The following CNOT6 variants were observed in gnomAD, a reference collection of about 807,000 sequenced individuals.
CNOT6 encodes the protein carbon catabolite repression 4 protein.
Under a neutral mutation model 61.2 loss-of-function variants are expected in CNOT6, and 12 were observed. The observed-to-expected ratio is 0.20, with a 90% CI of 0.13 to 0.32. CNOT6 has a LOEUF of 0.32. Among genes scored for constraint, CNOT6 ranks in the 10% least tolerant of loss-of-function variants. The pLI, the probability that CNOT6 is intolerant of heterozygous loss-of-function variation, is 1.00. For synonymous variants in CNOT6, 225 were observed against 240.6 expected, an observed-to-expected ratio of 0.94 and a Z score of 0.60; for missense variants, 405 against 663.9, an observed-to-expected ratio of 0.61 and a Z score of 4.28.
intron 4 of CNOT6, among the ~76,000 whole-genome samples, chr5:180,560,294 G>A (rs562278968): frequency 1.3e-4 from 20 of 152,132 alleles, no homozygotes; most frequent in Admixed American, 3.3e-4. Flanking sequence ...AGGAAATCTC[G>A]TATTTGCCCA....
intron 4 of CNOT6, among the ~76,000 whole-genome samples, chr5:180,556,532 A>T (rs1759900776): frequency 6.6e-6 from 1 of 152,172 alleles, no homozygotes; most frequent in Admixed American, 6.5e-5. Flanking sequence ...AAACATACAC[A>T]ATTATATGTC....
At chr5:180,568,034 C>T (rs1215973331) in intron 9 of CNOT6, 31 bp downstream of exon 9, 3 of 1,576,748 alleles carry the variant, frequency 1.9e-6, no homozygotes, top group South Asian at 1.2e-5. Context: ...GTAAAATTGA[C>T]CAGCTCTGAC....
intron 2 of CNOT6, among the ~76,000 whole-genome samples, chr5:180,532,051 C>T (rs1325530588): frequency 6.6e-6 from 1 of 152,154 alleles, no homozygotes. Context: ...AAGTTCAGCT[C>T]AGTAAGTAGG....
chr5:180,495,467 C>T (rs768584864), intron 1 of CNOT6: 3 of 152,208 alleles, frequency 2.0e-5, no homozygotes, highest in Non-Finnish European at 2.9e-5. Context: ...TCTTTACCTC[C>T]TTCACCTTCC....
At chr5:180,523,320 G>A (rs531876965) in intron 1 of CNOT6, among the ~76,000 whole-genome samples, 3 of 152,238 alleles carry the variant, frequency 2.0e-5, no homozygotes, top group Non-Finnish European at 2.9e-5. Flanking sequence ...GCTTACTGGG[G>A]TGGGGCAGGG....
chr5:180,563,141 T>A (rs1403771710), intron 4 of CNOT6, among the ~76,000 whole-genome samples: 2 of 152,216 alleles, frequency 1.3e-5, no homozygotes, highest in Non-Finnish European at 2.9e-5. Flanking sequence ...CTCCACTGCC[T>A]CACAGCACAG....
At chr5:180,509,967 CA>C (rs1243317826) in intron 1 of CNOT6, among the ~76,000 whole-genome samples, 3 of 151,196 alleles carry the variant, frequency 2.0e-5, no homozygotes, top group African/African-American at 7.3e-5. Context: ...ATAGTAGTCT[CA>C]AAATGTGTAG....
chr5:180,517,933 G>A (rs780650731), intron 1 of CNOT6, among the ~76,000 whole-genome samples: 1 of 152,126 alleles, frequency 6.6e-6, no homozygotes, highest in South Asian at 2.1e-4. Flanking sequence ...TTTTAGTTAC[G>A]TGTCTCCATA....
chr5:180,494,819 C>T (rs1378034211), intron 1 of CNOT6, 56 bp downstream of exon 1: 1 of 151,964 alleles, frequency 6.6e-6, no homozygotes, highest in Non-Finnish European at 1.5e-5. Flanking sequence ...TCCGGCCGCG[C>T]ACGGACCGCC....
intron 4 of CNOT6, among the ~76,000 whole-genome samples, chr5:180,558,602 T>TC (rs1489977739): frequency 4.1e-5 from 6 of 146,420 alleles, no homozygotes; most frequent in Non-Finnish European, 9.0e-5. Flanking sequence ...AGTATTTCCT[T>TC]CCTTCCTTCT....
chr5:180,536,572 A>G (rs149983911), intron 2 of CNOT6, among the ~76,000 whole-genome samples: 2,882 of 152,160 alleles, frequency 0.019, 38 homozygotes, highest in Non-Finnish European at 0.027. Context: ...CCTCCTGAGT[A>G]GCTGGGACTA....
At chr5:180,546,269 T>C (rs1759308463) in intron 2 of CNOT6, among the ~76,000 whole-genome samples, 1 of 152,220 alleles carries the variant, frequency 6.6e-6, no homozygotes, top group Non-Finnish European at 1.5e-5. Context: ...TTTATTCATA[T>C]CATTTATTCT....
In CNOT6 at chr5:180,501,528, G is replaced by GTA. The variant is rs150622866; in HGVS notation, c.-3+6768_-3+6769dup. On this transcript the variant is annotated intron_variant, in intron 1 of 11. Transcript: ENST00000261951. ...TTGGGGTTTGATAGATTTGGTCATT[G>GTA]TATAGTTGGCATTGGAAGTTAGGGG... Among the ~76,000 whole-genome samples, 13 of 152,352 alleles carry GTA rather than the reference G, an allele frequency of 8.5e-5. No homozygotes were observed. In the East Asian group the frequency reaches 2.5e-3, roughly 29 times the overall value.
At chr5:180,503,181 A>G (rs574938248) in intron 1 of CNOT6, among the ~76,000 whole-genome samples, 1 of 152,130 alleles carries the variant, frequency 6.6e-6, no homozygotes, top group Admixed American at 6.6e-5. Context: ...ATAAGTGAGG[A>G]AATTTAGGCA....
At chr5:180,524,865 G>A (rs568995951) in intron 1 of CNOT6, among the ~76,000 whole-genome samples, 16 of 152,348 alleles carry the variant, frequency 1.1e-4, no homozygotes, top group East Asian at 1.9e-4. Context: ...ATGAAGATCA[G>A]ATAGTTACTT....
chr5:180,565,723 C>A, intron 6 of CNOT6, 97 bp from the exon 7 acceptor site: 1 of 1,152,950 alleles, frequency 8.7e-7, no homozygotes, highest in Non-Finnish European at 1.2e-6. Flanking sequence ...TGAATGAATA[C>A]GGTCAAACTT....
At chr5:180,548,838 G>T (rs918884413) in intron 2 of CNOT6, among the ~76,000 whole-genome samples, 1 of 152,168 alleles carries the variant, frequency 6.6e-6, no homozygotes, top group African/African-American at 2.4e-5. Flanking sequence ...TGAAAGACTG[G>T]TATGTTTTTA....
At chr5:180,518,740 GGCCT>G (rs1757756427) in intron 1 of CNOT6, among the ~76,000 whole-genome samples, 3 of 152,084 alleles carry the variant, frequency 2.0e-5, no homozygotes, top group African/African-American at 7.2e-5. Flanking sequence ...AGCTTGAGCA[GGCCT>G]CCTGCCTTGG....
At chr5:180,538,685 GGTATATATATATAT>G (rs1408041299) in intron 2 of CNOT6, among the ~76,000 whole-genome samples, 14 of 84,192 alleles carry the variant, frequency 1.7e-4, no homozygotes, top group East Asian at 8.0e-4. Context: ...CTGAGAAAAA[GGTATATATATATAT>G]ATATATATAT....
Sources: gnomAD v4.1 joint callset for allele counts (sites outside exome capture counted in the v4.1 genomes callset) on GRCh38, gnomAD v4.1.1 for gene constraint, MANE v1.5 for transcripts, NCBI Gene and HGNC (gene_info 2026-07-23, HGNC 2026-07-21) for gene names.